Variants in RPH3A observed in about 807,000 individuals in gnomAD.
RPH3A encodes rabphilin-3A.
In RPH3A, 48 loss-of-function variants were observed where a neutral mutation model predicts 102.2. The ratio of observed to expected loss-of-function variants is 0.47; its 90% CI spans 0.37 to 0.60. RPH3A has a LOEUF of 0.60. RPH3A is among the 20% of genes least tolerant of loss of function. The pLI is 0.00. For missense variants in RPH3A, 781 were observed against 910.1 expected (o/e 0.86, Z 1.83); for synonymous variants, 310 against 324.3 (o/e 0.96, Z 0.47).
At chr12:112,672,087 G>A (rs973461441) in intron 1 of RPH3A, among the ~76,000 whole-genome samples, 3 of 151,036 alleles carry the variant, frequency 2.0e-5, no homozygotes, top group African/African-American at 7.3e-5. Flanking sequence ...TAATGAACTG[G>A]CTCATACAAC....
At chr12:112,766,890 G>T (rs1161295612) in intron 1 of RPH3A, among the ~76,000 whole-genome samples, 1 of 152,196 alleles carries the variant, frequency 6.6e-6, no homozygotes. Flanking sequence ...CTGGACCCAG[G>T]TGAGTGGGGT....
chr12:112,882,077 G>A (rs1030654433), intron 15 of RPH3A, among the ~76,000 whole-genome samples: 1 of 152,202 alleles, frequency 6.6e-6, no homozygotes, highest in Non-Finnish European at 1.5e-5. Context: ...GATCTGGGCA[G>A]CTGCCAATGC....
At chr12:112,702,254 C>G (rs2040399554) in intron 1 of RPH3A, among the ~76,000 whole-genome samples, 1 of 152,204 alleles carries the variant, frequency 6.6e-6, no homozygotes. Flanking sequence ...CTTCCCACTC[C>G]CCACTTCTTT....
chr12:112,598,441 C>T (rs1341725101), intron 1 of RPH3A, among the ~76,000 whole-genome samples: 2 of 152,058 alleles, frequency 1.3e-5, no homozygotes, highest in Non-Finnish European at 2.9e-5. Context: ...GTTTTTGTCC[C>T]CCTGAATGAT....
intron 4 of RPH3A, chr12:112,841,981 A>G (rs745867513): frequency 4.4e-6 from 2 of 456,050 alleles, no homozygotes; most frequent in South Asian, 1.5e-5. Flanking sequence ...TAGGCAAGGA[A>G]TTGATTTGGA....
chr12:112,768,836 C>T (rs1409976384), intron 1 of RPH3A, among the ~76,000 whole-genome samples: 3 of 152,052 alleles, frequency 2.0e-5, no homozygotes, highest in Non-Finnish European at 4.4e-5. Context: ...CATTTGAGCC[C>T]AGGGATTTGC....
chr12:112,871,642 A>G (rs2042710201), intron 10 of RPH3A, among the ~76,000 whole-genome samples: 2 of 151,884 alleles, frequency 1.3e-5, no homozygotes, highest in African/African-American at 4.8e-5. Context: ...TAGCATTCCA[A>G]TAATGGAACA....
Position 112,678,285 on chromosome 12 carries a change from GAAAGAAAGAAAGAA to G in RPH3A, c.-140+102968_-140+102981del, listed in dbSNP as rs1279883979. On this transcript the variant is annotated intron_variant, in intron 1 of 21. Coordinates refer to the RPH3A transcript ENST00000543106. Reference sequence around the variant, plus strand: ...AGAAAGAAAGAAAGAAAGAAAGAAAGAAAGAAAGAAAGAAAGAAAGAGAGAGAGAGAGAAAGAAA... The same window carrying G: ...AGAAAGAAAGAAAGAAAGAAAGAAAGAGAAAGAGAGAGAGAGAGAAAGAAA... Among the ~76,000 whole-genome samples, 194 of 80,824 alleles carry G rather than the reference GAAAGAAAGAAAGAA, an allele frequency of 2.4e-3. 13 individuals carry two copies. The highest frequency in any genetic ancestry group is 0.011 in the Middle Eastern group (2 of 178). The allele number at this position is 80,824 out of a possible 152,430, so 53.0% of individuals were successfully genotyped here. A position where few individuals can be genotyped will look rare whatever the true frequency, so the allele number is the denominator to read the frequency against.
intron 1 of RPH3A, among the ~76,000 whole-genome samples, chr12:112,619,298 GTTTT>G (rs2039703819): frequency 7.6e-6 from 1 of 132,308 alleles, no homozygotes. Flanking sequence ...GTGTGTGTGT[GTTTT>G]GAGATGGAGT....
chr12:112,792,701 C>T (rs953062754), intron 2 of RPH3A, among the ~76,000 whole-genome samples: 16 of 152,184 alleles, frequency 1.1e-4, no homozygotes, highest in African/African-American at 3.9e-4. Context: ...GGAAGGGTAA[C>T]TTTTGCCTGG....
chr12:112,634,087 G>T (rs2039827452), intron 1 of RPH3A, among the ~76,000 whole-genome samples: 1 of 152,174 alleles, frequency 6.6e-6, no homozygotes, highest in Admixed American at 6.5e-5. Context: ...AGTGGCTCAC[G>T]CCTGTAAACC....
intron 1 of RPH3A, among the ~76,000 whole-genome samples, chr12:112,689,697 A>G (rs1006342603): frequency 6.6e-6 from 1 of 152,238 alleles, no homozygotes; most frequent in Non-Finnish European, 1.5e-5. Context: ...ACAATACAAC[A>G]GGGAAGCCTG....
chr12:112,876,562 A>T, intron 12 of RPH3A, 80 bp from the exon 13 acceptor site: 1 of 1,026,808 alleles, frequency 9.7e-7, no homozygotes, highest in Non-Finnish European at 1.4e-6. Flanking sequence ...AGGAATCCGC[A>T]TCTTTTGAAA....
intron 1 of RPH3A, among the ~76,000 whole-genome samples, chr12:112,711,237 A>G (rs944917110): frequency 7.2e-5 from 11 of 152,066 alleles, no homozygotes; most frequent in African/African-American, 2.7e-4. Flanking sequence ...AGGGGCAGGG[A>G]TTTGCATTTC....
At chr12:112,613,355 G>A (rs959469205) in intron 1 of RPH3A, among the ~76,000 whole-genome samples, 27 of 152,182 alleles carry the variant, frequency 1.8e-4, no homozygotes, top group Admixed American at 1.6e-3. Context: ...TGGTGGCCTC[G>A]CGGTTCTAAG....
chr12:112,575,742 A>C (rs1234610223), intron 1 of RPH3A, among the ~76,000 whole-genome samples: 24 of 152,094 alleles, frequency 1.6e-4, no homozygotes, highest in Admixed American at 1.6e-3. Flanking sequence ...GCTTTGGTCA[A>C]GGGTCTTTCG....
chr12:112,895,231 T>TA (rs1227197889), intron 20 of RPH3A, among the ~76,000 whole-genome samples: 1 of 152,098 alleles, frequency 6.6e-6, no homozygotes, highest in East Asian at 1.9e-4. Flanking sequence ...GCTTCCCGAA[T>TA]AGCTGCAATT....
intron 5 of RPH3A, 59 bp from the exon 6 acceptor site, chr12:112,865,355 G>GTAC (rs1450990817): frequency 6.3e-7 from 1 of 1,590,358 alleles, no homozygotes; most frequent in Non-Finnish European, 8.6e-7. Flanking sequence ...TGACACTGTG[G>GTAC]GGTATGCTGG....
At chr12:112,774,150 C>T (rs1048807111) in intron 1 of RPH3A, among the ~76,000 whole-genome samples, 1 of 150,246 alleles carries the variant, frequency 6.7e-6, no homozygotes, top group Non-Finnish European at 1.5e-5. Context: ...GACAAAGGAA[C>T]AAGCCATGCT....
Sources: allele counts gnomAD v4.1 joint callset (sites outside exome capture counted in the v4.1 genomes callset), GRCh38; gene constraint gnomAD v4.1.1; transcripts MANE v1.5; gene names NCBI Gene and HGNC (gene_info 2026-07-23, HGNC 2026-07-21).